Variants in TXNRD1 observed in about 807,000 individuals in gnomAD.
The protein encoded by TXNRD1 is thioredoxin reductase 1.
Under a neutral mutation model 80.3 loss-of-function variants are expected in TXNRD1, and 57 were observed. That is an observed-to-expected ratio of 0.71 (90% CI 0.57 to 0.89). TXNRD1 has a LOEUF of 0.89. TXNRD1 is among the 40% of genes least tolerant of loss of function. The pLI, the probability that TXNRD1 is intolerant of heterozygous loss-of-function variation, is 0.00. For missense variants in TXNRD1, 730 were observed against 803.0 expected (o/e 0.91, Z 1.10); for synonymous variants, 291 against 285.2 (o/e 1.02, Z -0.20).
intron 8 of TXNRD1, 51 bp downstream of exon 8, chr12:104,319,106 T>C: frequency 6.4e-7 from 1 of 1,556,860 alleles, no homozygotes; most frequent in Non-Finnish European, 8.6e-7. Flanking sequence ...TTTCTCTTTT[T>C]AAAAGCTTTG....
chr12:104,337,950 C>G (rs2036193166), intron 15 of TXNRD1, among the ~76,000 whole-genome samples: 1 of 126,404 alleles, frequency 7.9e-6, no homozygotes, highest in African/African-American at 3.1e-5. Context: ...CTGTGCCCAG[C>G]TAATTTTTTT....
In TXNRD1 at chr12:104,288,966, T is replaced by C. The variant is rs748765269; in HGVS notation, c.340T>C (p.Leu114=). 16 of 1,614,062 alleles carry C rather than the reference T, an allele frequency of 9.9e-6. No homozygotes were observed. Among genetic ancestry groups the C allele is most frequent in the South Asian group, 8.8e-5 (8 of 91,086 alleles). The part of the protein sequence containing the change: ...GRALEGTLSE[L]AAETDLPVVF... ...GGCCCTGGAAGGAACGCTCTCGGAA[T>C]TGGCCGCGGAAACCGATCTGCCCGT... The change falls in exon 4 of 17, where the codon TTG becomes CTG. Residue 114 remains leucine, a synonymous_variant. Transcript: ENST00000525566.
chr12:104,302,552 C>T (rs1208709291), intron 4 of TXNRD1, among the ~76,000 whole-genome samples: 1 of 122,652 alleles, frequency 8.2e-6, no homozygotes, highest in East Asian at 2.5e-4. Flanking sequence ...TGCAGTGGCC[C>T]GATCTCGGCT....
chr12:104,271,344 T>G (rs1201408575), intron 3 of TXNRD1, among the ~76,000 whole-genome samples: 1 of 151,678 alleles, frequency 6.6e-6, no homozygotes, highest in Non-Finnish European at 1.5e-5. Context: ...CGCCACTAAT[T>G]TTTTGTGTTT....
At chr12:104,295,301 C>G (rs891722413) in intron 4 of TXNRD1, among the ~76,000 whole-genome samples, 3 of 152,296 alleles carry the variant, frequency 2.0e-5, no homozygotes, top group African/African-American at 7.2e-5. Context: ...CTCCTGTTTA[C>G]TCACCAGCGC....
chr12:104,312,161 A>G (rs2035160836), intron 5 of TXNRD1, among the ~76,000 whole-genome samples: 1 of 152,152 alleles, frequency 6.6e-6, no homozygotes, highest in Admixed American at 6.5e-5. Flanking sequence ...CAATATAAAA[A>G]AAGATGGGGA....
At chr12:104,285,019 C>CA (rs1356728075) in intron 3 of TXNRD1, among the ~76,000 whole-genome samples, 8 of 151,884 alleles carry the variant, frequency 5.3e-5, no homozygotes, top group Non-Finnish European at 2.9e-5. Context: ...ACTAAAAATA[C>CA]AAAAAATTAG....
intron 6 of TXNRD1, among the ~76,000 whole-genome samples, chr12:104,314,781 G>A (rs973438329): frequency 1.6e-5 from 2 of 125,630 alleles, no homozygotes; most frequent in Non-Finnish European, 3.1e-5. Flanking sequence ...TCGCTCTGTC[G>A]CCCGGGCTGG....
chr12:104,311,879 G>A (rs1016992795), intron 5 of TXNRD1, among the ~76,000 whole-genome samples: 32 of 152,212 alleles, frequency 2.1e-4, no homozygotes, highest in African/African-American at 6.3e-4. Context: ...TACTTGGGAG[G>A]CTGAGGCAGG....
intron 1 of TXNRD1, among the ~76,000 whole-genome samples, chr12:104,226,569 A>T (rs2032478734): frequency 6.6e-6 from 1 of 152,232 alleles, no homozygotes; most frequent in Non-Finnish European, 1.5e-5. Flanking sequence ...GGCAAAGTGG[A>T]AAGAGAATTA....
At chr12:104,303,775 T>A in intron 4 of TXNRD1, 5 of 1,246,770 alleles carry the variant, frequency 4.0e-6, no homozygotes, top group Non-Finnish European at 5.3e-6. Flanking sequence ...GCCGCCACTT[T>A]CCACACGCTG....
intron 15 of TXNRD1, among the ~76,000 whole-genome samples, chr12:104,338,654 G>A (rs910324094): frequency 3.4e-5 from 5 of 146,868 alleles, no homozygotes; most frequent in Admixed American, 1.3e-4. Flanking sequence ...TGGAGATCGC[G>A]CCATTGCACT....
At chr12:104,248,599 A>G (rs974337938) in intron 1 of TXNRD1, among the ~76,000 whole-genome samples, 1 of 152,090 alleles carries the variant, frequency 6.6e-6, no homozygotes, top group Non-Finnish European at 1.5e-5. Context: ...ACACACAAAT[A>G]TGCATGCTTA....
At position 104,327,607 on chromosome 12, in the gene TXNRD1, C is replaced by T. The variant is rs777792474; in HGVS notation, c.1478C>T (p.Thr493Ile). 6.2e-7 allele frequency: 1 copy of T among 1,613,514 alleles called. No individual in the cohort carries two copies. The highest frequency in any genetic ancestry group is 8.5e-7 in the Non-Finnish European group (1 of 1,179,786). ...ATATTGGAGGATAAGGTGGAGCTCA[C>T]CCCAGTTGCAATCCAGGCAGGAAGA... ...GDILEDKVEL[T>I]PVAIQAGRLL... The change falls in exon 13 of 17, where the codon ACC (threonine) becomes ATC (isoleucine). Residue 493 changes from threonine (T) to isoleucine (I), a missense_variant. Thr to Ile is a moderately conservative substitution (Grantham distance 89). Transcript: ENST00000525566.
At chr12:104,280,487 T>C (rs2033855360) in intron 3 of TXNRD1, 1 of 152,208 alleles carries the variant, frequency 6.6e-6, no homozygotes, top group Non-Finnish European at 1.5e-5. Context: ...TTTCTCTAAA[T>C]ACATTAACTC....
rs1456139880 is a variant in TXNRD1 at position 104,304,478 on chromosome 12, C to T, written c.415-6812C>T. ...TTCATTCAAGCTAGAACGTTCTGCA[C>T]CAAAGCCCCGACTTGAACACCAGAA... is the stretch of plus-strand genomic sequence containing the variant. On this transcript the variant is annotated intron_variant, in intron 4 of 16. Coordinates refer to ENST00000525566, the MANE Select transcript of TXNRD1 (RefSeq NM_001093771.3). 9.3e-6 allele frequency: 15 copies of T among 1,613,842 alleles called. No homozygotes were observed. Among genetic ancestry groups the T allele is most frequent in the Non-Finnish European group, 1.3e-5 (15 of 1,179,912 alleles).
chr12:104,337,284 T>C (rs2036171163), intron 15 of TXNRD1, among the ~76,000 whole-genome samples: 1 of 151,968 alleles, frequency 6.6e-6, no homozygotes. Flanking sequence ...TTACAGTCCT[T>C]TTGTCAACAG....
At chr12:104,223,121 C>A (rs2032390630) in intron 1 of TXNRD1, among the ~76,000 whole-genome samples, 1 of 152,174 alleles carries the variant, frequency 6.6e-6, no homozygotes, top group Non-Finnish European at 1.5e-5. Context: ...GTAGCTATGG[C>A]TGCCTTGAGA....
chr12:104,263,436 T>A (rs1023156437), intron 3 of TXNRD1, among the ~76,000 whole-genome samples: 2 of 152,166 alleles, frequency 1.3e-5, no homozygotes, highest in African/African-American at 4.8e-5. Context: ...TGTGATGGTG[T>A]CTGTTGCACA....
Sources: gnomAD v4.1 joint callset for allele counts (sites outside exome capture counted in the v4.1 genomes callset) on GRCh38, gnomAD v4.1.1 for gene constraint, MANE v1.5 for transcripts, NCBI Gene and HGNC (gene_info 2026-07-23, HGNC 2026-07-21) for gene names.